The following TNN variants were observed in gnomAD, a reference collection of about 807,000 sequenced individuals.
TNN encodes tenascin-N.
A neutral mutation model predicts 134.4 loss-of-function variants in TNN; 122 were observed. That is an observed-to-expected ratio of 0.91 (90% CI 0.78 to 1.06). TNN has a LOEUF of 1.06. Among genes scored for constraint, TNN ranks in the 50% least tolerant of loss-of-function variants. TNN has a pLI of 0.00. For synonymous variants in TNN, 710 were observed against 670.3 expected, an observed-to-expected ratio of 1.06 and a Z score of -0.91; for missense variants, 1,739 against 1,699.4, an observed-to-expected ratio of 1.02 and a Z score of -0.41.
chr1:175,091,560 T>A (rs57072134), intron 6 of TNN, among the ~76,000 whole-genome samples: 52,151 of 110,522 alleles, frequency 0.47, 9,736 homozygotes, highest in Non-Finnish European at 0.49. Context: ...ATTTATTATT[T>A]TTATTTATTT....
chr1:175,076,032 A>T (rs544044424), intron 1 of TNN, among the ~76,000 whole-genome samples: 8 of 152,232 alleles, frequency 5.3e-5, no homozygotes, highest in African/African-American at 9.6e-5. Flanking sequence ...AACTGCTGCT[A>T]TGCAAGCCCA....
intron 7 of TNN, among the ~76,000 whole-genome samples, chr1:175,096,457 C>T (rs999120598): frequency 1.3e-5 from 2 of 152,150 alleles, no homozygotes; most frequent in Non-Finnish European, 2.9e-5. Flanking sequence ...CTGCATGTGG[C>T]TGTGCATTCC....
At chr1:175,107,835 G>A (rs1283911938) in intron 9 of TNN, among the ~76,000 whole-genome samples, 1 of 140,362 alleles carries the variant, frequency 7.1e-6, no homozygotes, top group South Asian at 2.5e-4. Flanking sequence ...TCTACACACA[G>A]GTTCTCCAGG....
intron 17 of TNN, among the ~76,000 whole-genome samples, chr1:175,137,661 A>G (rs1335151628): frequency 1.3e-5 from 2 of 152,180 alleles, no homozygotes; most frequent in African/African-American, 4.8e-5. Context: ...TAAATACATT[A>G]TGTAAGAGGG....
In TNN at chr1:175,128,168, A is replaced by T. The variant is rs773017099; in HGVS notation, c.3178+4A>T. On this transcript the variant is annotated splice_donor_region_variant and intron_variant, in intron 14 of 18. Coordinates refer to ENST00000239462, the MANE Select transcript of TNN (RefSeq NM_022093.2). Reference sequence around the variant, plus strand: ...GTATCCACCACCCTCTCCACAGGTAATATGGAATCCTGTACTCTGAACGAC... The same window carrying T: ...GTATCCACCACCCTCTCCACAGGTATTATGGAATCCTGTACTCTGAACGAC... The T allele has an allele frequency of 3.1e-6, 5 of 1,597,562 alleles. No individual in the cohort carries two copies.
In TNN at chr1:175,144,462, G is replaced by A. The variant is rs751022007; in HGVS notation, c.3671G>A (p.Cys1224Tyr). The A allele has an allele frequency of 5.0e-6, 8 of 1,614,110 alleles. No individual in the cohort carries two copies. The African/African-American group carries it at 8.0e-5, about 16-fold the overall frequency. The change falls in exon 18 of 19, where the codon TGT becomes TAT. Residue 1224 changes from cysteine (C) to tyrosine (Y), a missense_variant. Cys to Tyr is a radical substitution (Grantham distance 194, BLOSUM62 -2). Transcript: ENST00000239462. Reference sequence around the variant, plus strand: ...GACAATGATATCGCACTCAGCAACTGTGCCCTGACACATCATGGTGGCTGG... The same window carrying A: ...GACAATGATATCGCACTCAGCAACTATGCCCTGACACATCATGGTGGCTGG... ...DRDNDIALSN[C>Y]ALTHHGGWWY...
intron 7 of TNN, among the ~76,000 whole-genome samples, chr1:175,095,499 A>G (rs1457089202): frequency 6.6e-6 from 1 of 152,176 alleles, no homozygotes; most frequent in Non-Finnish European, 1.5e-5. Flanking sequence ...TTTACATTAC[A>G]CGTGACTCTC....
At chr1:175,143,869 AAC>A (rs2101856229) in intron 17 of TNN, among the ~76,000 whole-genome samples, 1 of 152,330 alleles carries the variant, frequency 6.6e-6, no homozygotes, top group African/African-American at 2.4e-5. Context: ...CTGTTTTGTT[AAC>A]ACAGACCCAG....
At chr1:175,095,215 G>A (rs558353305) in intron 7 of TNN, among the ~76,000 whole-genome samples, 17 of 152,272 alleles carry the variant, frequency 1.1e-4, no homozygotes, top group African/African-American at 3.9e-4. Context: ...CTTCAGGGGA[G>A]CAGAGAAGAC....
rs1268068412 is a variant in TNN, at chr1:175,100,148, C to T, written c.2119+1553C>T. 2.0e-5 allele frequency among the ~76,000 whole-genome samples: 3 copies of T among 152,342 alleles called. No individual in the cohort carries two copies. The East Asian group carries it at 5.8e-4, about 29-fold the overall frequency. On this transcript the variant is annotated intron_variant, in intron 9 of 18. Transcript: ENST00000239462. ...TATTTTAGCATATGTCAGACACCAG[C>T]CCGTATGATTCCCCAAGCTTTGGGC...
Position 175,097,898 on chromosome 1 carries a change from G to A in TNN, c.1855+215G>A, listed in dbSNP as rs916526052. Among the ~76,000 whole-genome samples, 4 of 152,218 alleles carry A rather than the reference G, an allele frequency of 2.6e-5. No individual in the cohort carries two copies. The South Asian group carries it at 8.3e-4, about 31-fold the overall frequency. On this transcript the variant is annotated intron_variant, in intron 8 of 18. Transcript: ENST00000239462. ...CCACTTGGCCCACTGAAAGAGAGAA[G>A]TAAAGTCTTATAGTAACAATGCTTT...
intron 9 of TNN, among the ~76,000 whole-genome samples, chr1:175,110,609 TTTA>T (rs1674994214): frequency 6.6e-6 from 1 of 152,258 alleles, no homozygotes; most frequent in Non-Finnish European, 1.5e-5. Flanking sequence ...CCTAGAACTA[TTTA>T]TTGATGAGCC....
chr1:175,097,490 A>G lies in TNN; in HGVS notation c.1662A>G (p.Val554=), dbSNP rs747643255. ...CCGCCACCATCTCCTGGGACCCGGT[A>G]CAGGCCACCATTGACAAGTACGTGG... The part of the protein sequence containing the change: ...ENTATISWDP[V]QATIDKYVVR... Residue 554 remains valine, a synonymous_variant, in exon 8 of 19, where the codon GTA becomes GTG. Coordinates refer to ENST00000239462, the MANE Select transcript of TNN (RefSeq NM_022093.2). 3.1e-6 allele frequency: 5 copies of G among 1,614,050 alleles called. No individual in the cohort carries two copies. The African/African-American group carries it at 6.7e-5, about 22-fold the overall frequency.
At position 175,074,088 on chromosome 1, in the gene TNN, C is replaced by T. The variant is rs373712103; in HGVS notation, c.-35-3296C>T. 2.6e-4 allele frequency among the ~76,000 whole-genome samples: 39 copies of T among 152,290 alleles called. No homozygotes were observed. The South Asian group carries it at 4.8e-3, about 19-fold the overall frequency. On this transcript the variant is annotated intron_variant, in intron 1 of 18. Transcript: ENST00000239462. ...CCAAGCTTCCACCTGTGAATTCCTC[C>T]GGGCCAGAATCAGGCACCAGTCTCT... is the stretch of plus-strand genomic sequence containing the variant.
At position 175,077,644 on chromosome 1, in the gene TNN, G is replaced by C; in HGVS notation, c.226G>C (p.Gly76Arg). The change falls in exon 2 of 19, where the codon GGG becomes CGG. Residue 76 changes from glycine (G) to arginine (R), a missense_variant. By Grantham distance (125) the Gly-to-Arg change is moderately radical. Coordinates refer to ENST00000239462, the MANE Select transcript of TNN (RefSeq NM_022093.2). Reference sequence around the variant, plus strand: ...CGATGGGGCTTCGCTCTTGGCCCTGGGGGAGGCCAGGGAGGAACAGAACAT... The same window carrying C: ...CGATGGGGCTTCGCTCTTGGCCCTGCGGGAGGCCAGGGAGGAACAGAACAT... ...SDDGASLLAL[G>R]EAREEQNIIF... 6.2e-7 allele frequency: 1 copy of C among 1,614,192 alleles called. No individual in the cohort carries two copies. The highest frequency in any genetic ancestry group is 8.5e-7 in the Non-Finnish European group (1 of 1,180,022).
Position 175,098,460 on chromosome 1 carries a change from A to ACCACCTCT in TNN, c.1984_1985insCCACCTCT (p.Arg662ThrfsTer17), listed in dbSNP as rs1277152873. 6.2e-7 allele frequency: 1 copy of ACCACCTCT among 1,614,190 alleles called. No individual in the cohort carries two copies. Among genetic ancestry groups the ACCACCTCT allele is most frequent in the Admixed American group, 1.7e-5 (1 of 60,012 alleles). ...CTACACCTCTGCTGGTGGAGAGACC[A>ACCACCTCT]GGGAGGTTCCGGTGGGGAAGGAGCA... On this transcript the variant is annotated frameshift_variant, in exon 9 of 19. Coordinates refer to ENST00000239462, the MANE Select transcript of TNN (RefSeq NM_022093.2). LOFTEE classifies it high-confidence loss of function.
chr1:175,097,644 G>A lies in TNN; in HGVS notation c.1816G>A (p.Asp606Asn), dbSNP rs749189677. 1.2e-6 allele frequency: 2 copies of A among 1,614,092 alleles called. No individual in the cohort carries two copies. The highest frequency in any genetic ancestry group is 2.2e-5 in the East Asian group (1 of 44,902). Residue 606 changes from aspartate (D) to asparagine (N), a missense_variant, in exon 8 of 19, where the codon GAC becomes AAC. Physicochemically the swap from Asp to Asn is conservative, Grantham distance 23. Coordinates refer to ENST00000239462, the MANE Select transcript of TNN (RefSeq NM_022093.2). ...YTVHVWAQKG[D>N]RESKKADTNA... is the part of the protein sequence containing the mutation. ...AGTGCATGTCTGGGCCCAGAAGGGG[G>A]ACCGAGAGAGCAAGAAGGCTGACAC...
At position 175,079,445 on chromosome 1, in the gene TNN, G is replaced by A. The variant is rs374925420; in HGVS notation, c.522G>A (p.Ala174=). ...PACERLACPG[A]CSGHGRCVDG... is the part of the protein sequence containing the mutation. ...GCGAGCGGCTGGCCTGCCCCGGGGC[G>A]TGCAGCGGCCACGGGCGTTGCGTGG... The change falls in exon 3 of 19, where the codon GCG becomes GCA. Residue 174 remains alanine (A), a synonymous_variant. Coordinates refer to ENST00000239462, the MANE Select transcript of TNN (RefSeq NM_022093.2). 15 of 1,577,548 alleles carry A rather than the reference G, an allele frequency of 9.5e-6. No individual in the cohort carries two copies. Among genetic ancestry groups the A allele is most frequent in the Non-Finnish European group, 1.3e-5 (15 of 1,165,000 alleles).
chr1:175,116,471 C>A (rs1453783400), intron 9 of TNN, among the ~76,000 whole-genome samples: 1 of 152,156 alleles, frequency 6.6e-6, no homozygotes, highest in Non-Finnish European at 1.5e-5. Context: ...GTCACAAAAA[C>A]AAGTTAGTAA....
Sources: gnomAD v4.1 joint callset for allele counts (sites outside exome capture counted in the v4.1 genomes callset) on GRCh38, gnomAD v4.1.1 for gene constraint, MANE v1.5 for transcripts, NCBI Gene and HGNC (gene_info 2026-07-23, HGNC 2026-07-21) for gene names.